Variants in TLN2 observed in about 807,000 individuals in gnomAD.
TLN2 encodes the protein talin-2.
TLN2 carries 118 observed loss-of-function variants against 294.7 expected under a neutral mutation model. The ratio of observed to expected loss-of-function variants is 0.40; its 90% CI spans 0.34 to 0.47. The LOEUF is 0.47. Among genes scored for constraint, TLN2 ranks in the 20% least tolerant of loss-of-function variants. The pLI, the probability that TLN2 is intolerant of heterozygous loss-of-function variation, is 0.84. For missense variants in TLN2, 3,083 were observed against 3,282.2 expected, an observed-to-expected ratio of 0.94 and a Z score of 1.48; for synonymous variants, 1,431 against 1,304.5, an observed-to-expected ratio of 1.10 and a Z score of -2.09.
intron 1 of TLN2, among the ~76,000 whole-genome samples, chr15:62,550,180 G>T (rs2042217173): frequency 6.6e-6 from 1 of 152,158 alleles, no homozygotes; most frequent in Admixed American, 6.5e-5. Flanking sequence ...TGGTCAGCAG[G>T]ATCTTGTAGG....
chr15:62,608,094 A>C (rs2047607022), intron 2 of TLN2, among the ~76,000 whole-genome samples: 1 of 151,588 alleles, frequency 6.6e-6, no homozygotes. Flanking sequence ...TACTACCCCC[A>C]TCCCCCCACC....
Position 62,753,761 on chromosome 15 carries a change from T to C in TLN2, c.4333-12T>C. 6.3e-7 allele frequency: 1 copy of C among 1,595,374 alleles called. No individual in the cohort carries two copies. The highest frequency in any genetic ancestry group is 8.5e-7 in the Non-Finnish European group (1 of 1,170,692). Reference sequence around the variant, plus strand: ...CGGAGCCTGAGCTGTGGTTTTTCTCTTCCCTTTCTAGGCTGCATACTTGGT... The same window carrying C: ...CGGAGCCTGAGCTGTGGTTTTTCTCCTCCCTTTCTAGGCTGCATACTTGGT... On this transcript the variant is annotated splice_polypyrimidine_tract_variant and intron_variant, in intron 35 of 58. Transcript: ENST00000636159.
At chr15:62,703,465 G>C (rs903317961) in intron 19 of TLN2, among the ~76,000 whole-genome samples, 1 of 152,004 alleles carries the variant, frequency 6.6e-6, no homozygotes, top group African/African-American at 2.4e-5. Flanking sequence ...AATATTAATA[G>C]TGTCATGAAC....
At chr15:62,453,383 T>C (rs1409191434) in intron 1 of TLN2, among the ~76,000 whole-genome samples, 6 of 152,040 alleles carry the variant, frequency 3.9e-5, no homozygotes, top group African/African-American at 1.5e-4. Flanking sequence ...AATGAGAATA[T>C]GATCTGCACA....
chr15:62,465,099 AGC>A (rs2037040949), intron 1 of TLN2, among the ~76,000 whole-genome samples: 1 of 114,778 alleles, frequency 8.7e-6, no homozygotes, highest in Admixed American at 1.1e-4. Context: ...ACTTGTGGTG[AGC>A]GCGTTTTTTT....
chr15:62,395,128 A>T (rs1038563792), intron 1 of TLN2, among the ~76,000 whole-genome samples: 1 of 149,214 alleles, frequency 6.7e-6, no homozygotes, highest in Non-Finnish European at 1.5e-5. Flanking sequence ...CATGTACTTT[A>T]TGCTGAGAAG....
chr15:62,579,986 T>A (rs2044781571), intron 1 of TLN2, among the ~76,000 whole-genome samples: 1 of 152,116 alleles, frequency 6.6e-6, no homozygotes, highest in Admixed American at 6.5e-5. Context: ...AAAGGATCTC[T>A]ACCTGGCCAG....
At chr15:62,741,731 G>C (rs2061327884) in intron 32 of TLN2, among the ~76,000 whole-genome samples, 1 of 151,748 alleles carries the variant, frequency 6.6e-6, no homozygotes. Flanking sequence ...TTTTAACTTG[G>C]TTTTTTAAAA....
chr15:62,672,506 T>C (rs1440567600), intron 9 of TLN2, among the ~76,000 whole-genome samples: 1 of 152,154 alleles, frequency 6.6e-6, no homozygotes, highest in East Asian at 1.9e-4. Flanking sequence ...TGGCCATGAG[T>C]TGATAACTCT....
intron 1 of TLN2, among the ~76,000 whole-genome samples, chr15:62,527,097 G>C (rs1007180619): frequency 2.0e-5 from 3 of 152,166 alleles, no homozygotes; most frequent in African/African-American, 7.2e-5. Flanking sequence ...AAATTGTTGA[G>C]ACAAGTGCCT....
At chr15:62,489,508 T>G (rs529471832) in intron 1 of TLN2, among the ~76,000 whole-genome samples, 1 of 152,306 alleles carries the variant, frequency 6.6e-6, no homozygotes, top group Non-Finnish European at 1.5e-5. Context: ...CCTGACTTTA[T>G]TTTTTAACAC....
intron 24 of TLN2, among the ~76,000 whole-genome samples, chr15:62,718,487 G>T (rs1012665738): frequency 6.6e-6 from 1 of 152,218 alleles, no homozygotes; most frequent in Non-Finnish European, 1.5e-5. Flanking sequence ...TTTGTGAGGG[G>T]TGCCACTGCT....
chr15:62,621,835 A>C (rs2048859073), intron 3 of TLN2, among the ~76,000 whole-genome samples: 1 of 152,208 alleles, frequency 6.6e-6, no homozygotes, highest in Non-Finnish European at 1.5e-5. Flanking sequence ...GAATGGCAAA[A>C]TGTGGGAGAT....
intron 22 of TLN2, among the ~76,000 whole-genome samples, chr15:62,713,286 A>AC (rs894507696): frequency 7.3e-5 from 11 of 151,360 alleles, no homozygotes; most frequent in South Asian, 4.2e-4. Context: ...AAAAAAAAAA[A>AC]AAACAAAAAA....
In TLN2 at chr15:62,650,077, A is replaced by G; in HGVS notation, c.137-7A>G. 1.2e-6 allele frequency: 2 copies of G among 1,613,890 alleles called. No individual in the cohort carries two copies. The highest frequency in any genetic ancestry group is 1.6e-4 in the Middle Eastern group (1 of 6,062). On this transcript the variant is annotated splice_region_variant and splice_polypyrimidine_tract_variant and intron_variant, in intron 4 of 58. Coordinates refer to ENST00000636159, the MANE Select transcript of TLN2 (RefSeq NM_015059.3). ...GCCTTCTGTTTTTCTTCCCATTTAT[A>G]TTTCAGCTTCTGACTATGGACTCTT... is the stretch of plus-strand genomic sequence containing the variant.
At position 62,698,818 on chromosome 15, in the gene TLN2, A is replaced by G; in HGVS notation, c.1538A>G (p.Gln513Arg). 1 of 1,613,026 alleles carries G rather than the reference A, an allele frequency of 6.2e-7. No individual in the cohort carries two copies. Among genetic ancestry groups the G allele is most frequent in the Non-Finnish European group, 8.5e-7 (1 of 1,180,038 alleles). Residue 513 changes from glutamine (Q) to arginine (R), a missense_variant, in exon 16 of 59, where the codon CAG becomes CGG. Coordinates refer to ENST00000636159, the MANE Select transcript of TLN2 (RefSeq NM_015059.3). ...AGCATGCACGCCGTCCAGCAGGCCC[A>G]GGATGATCTCAGTGAGCTCGACTCG... ...NTSMHAVQQA[Q>R]DDLSELDSLP...
In TLN2 at chr15:62,796,211, A is replaced by G. The variant is rs2065466500; in HGVS notation, c.5968A>G (p.Ile1990Val). 6.2e-7 allele frequency: 1 copy of G among 1,614,212 alleles called. No individual in the cohort carries two copies. Among genetic ancestry groups the G allele is most frequent in the Non-Finnish European group, 8.5e-7 (1 of 1,180,044 alleles). ...ITAATAVSGIIADLDTTIMFA... is the reference protein window; with the variant it reads ...ITAATAVSGIVADLDTTIMFA... ...AGCCGCCACCGCTGTGTCTGGGATCATTGCCGACCTGGACACCACCATTAT... is the reference window on the plus strand; with the variant it reads ...AGCCGCCACCGCTGTGTCTGGGATCGTTGCCGACCTGGACACCACCATTAT... Residue 1990 changes from isoleucine to valine, a missense_variant, in exon 47 of 59, where the codon ATT becomes GTT. Coordinates refer to ENST00000636159, the MANE Select transcript of TLN2 (RefSeq NM_015059.3).
At position 62,796,300 on chromosome 15, in the gene TLN2, G is replaced by A; in HGVS notation, c.6050+7G>A. 6.2e-7 allele frequency: 1 copy of A among 1,610,990 alleles called. No individual in the cohort carries two copies. Among genetic ancestry groups the A allele is most frequent in the African/African-American group, 1.3e-5 (1 of 75,002 alleles). On this transcript the variant is annotated splice_region_variant and intron_variant, in intron 47 of 58. Transcript: ENST00000636159. ...AGACCTTCGCAGACCACAGGTACGTGGGGGTCCTGGACGGGGAGAGGTTCA... is the reference window on the plus strand; with the variant it reads ...AGACCTTCGCAGACCACAGGTACGTAGGGGTCCTGGACGGGGAGAGGTTCA...
intron 2 of TLN2, among the ~76,000 whole-genome samples, chr15:62,603,231 T>A (rs1173900979): frequency 6.6e-6 from 1 of 152,144 alleles, no homozygotes; most frequent in Non-Finnish European, 1.5e-5. Flanking sequence ...TCCATCCTGT[T>A]TTCTCCTACC....
Sources: allele counts gnomAD v4.1 joint callset (sites outside exome capture counted in the v4.1 genomes callset), GRCh38; gene constraint gnomAD v4.1.1; transcripts MANE v1.5; gene names NCBI Gene and HGNC (gene_info 2026-07-23, HGNC 2026-07-21).